The following CSMD2 variants were observed in gnomAD, a reference collection of about 807,000 sequenced individuals.
CSMD2 encodes CUB and Sushi multiple domains 2, also known as CUB and sushi domain-containing protein 2.
Under a neutral mutation model 398.5 loss-of-function variants are expected in CSMD2, and 130 were observed. The observed-to-expected ratio is 0.33, with a 90% CI of 0.28 to 0.38. CSMD2 has a LOEUF of 0.38. CSMD2 is among the 10% of genes least tolerant of loss of function. The pLI, the probability that CSMD2 is intolerant of heterozygous loss-of-function variation, is 1.00. For missense variants in CSMD2, 3,829 were observed against 4,764.9 expected (o/e 0.80, Z 5.78); for synonymous variants, 1,828 against 1,908.5 (o/e 0.96, Z 1.10).
chr1:33,954,560 G>A lies in CSMD2; in HGVS notation c.518-18606C>T, dbSNP rs571380042. 7.9e-5 allele frequency among the ~76,000 whole-genome samples: 12 copies of A among 152,268 alleles called. No individual in the cohort carries two copies. The South Asian group carries it at 2.3e-3, about 29-fold the overall frequency. On this transcript the variant is annotated intron_variant, in intron 3 of 70. Coordinates refer to ENST00000373381, the MANE Select transcript of CSMD2 (RefSeq NM_001281956.2). ...GCCAAGCGGGAGAAGCAACTCCAGT[G>A]TCCATGATGGGTGAATGGCTAAACA...
intron 1 of CSMD2, among the ~76,000 whole-genome samples, chr1:34,131,349 G>T (rs561319213): frequency 6.6e-6 from 1 of 152,172 alleles, no homozygotes; most frequent in South Asian, 2.1e-4. Context: ...TGCAGGAGAG[G>T]GGGGGGTCTT....
chr1:33,567,761 G>A lies in CSMD2; in HGVS notation c.8212C>T (p.His2738Tyr), dbSNP rs779078240. The A allele has an allele frequency of 6.2e-7, 1 of 1,613,978 alleles. No individual in the cohort carries two copies. The highest frequency in any genetic ancestry group is 1.7e-5 in the Admixed American group (1 of 60,016). The change falls in exon 53 of 71, where the codon CAC becomes TAC. Residue 2738 changes from histidine to tyrosine, a missense_variant. This residue lies in a region of CSMD2 where 917 missense variants were observed against 1,199.5 expected (regional missense o/e 0.76). Coordinates refer to ENST00000373381, the MANE Select transcript of CSMD2 (RefSeq NM_001281956.2). Reference sequence around the variant, plus strand: ...ACAATGGGCTCAGGAGTCCCACAGTGTCCAGCTTTGGTGAGGGATGGGGAA... The same window carrying A: ...ACAATGGGCTCAGGAGTCCCACAGTATCCAGCTTTGGTGAGGGATGGGGAA... ...LSSPSLTKAG[H>Y]CGTPEPIVNG...
At chr1:33,930,275 C>T (rs1644268793) in intron 4 of CSMD2, among the ~76,000 whole-genome samples, 1 of 152,190 alleles carries the variant, frequency 6.6e-6, no homozygotes, top group Non-Finnish European at 1.5e-5. Context: ...ACCTTTAAAA[C>T]TCAGAGGGGT....
intron 2 of CSMD2, among the ~76,000 whole-genome samples, chr1:34,079,103 G>T (rs1397781785): frequency 6.6e-6 from 1 of 152,066 alleles, no homozygotes; most frequent in Admixed American, 6.5e-5. Flanking sequence ...AAAATCCTCT[G>T]CTTAAAAATT....
In CSMD2 at chr1:33,614,602, A is replaced by C; in HGVS notation, c.6035T>G (p.Val2012Gly). Reference sequence around the variant, plus strand: ...CAGGATCACCCCCTCCATCTCCTCCACTGTTCCCCCACACTGTGCTGTGAC... The same window carrying C: ...CAGGATCACCCCCTCCATCTCCTCCCCTGTTCCCCCACACTGTGCTGTGAC... ...PLCIAQCGGT[V>G]EEMEGVILSP... is the part of the protein sequence containing the mutation. The change falls in exon 40 of 71, where the codon GTG becomes GGG. Residue 2012 changes from valine (V) to glycine (G), a missense_variant. Val to Gly is a moderately radical substitution (Grantham distance 109). Coordinates refer to ENST00000373381, the MANE Select transcript of CSMD2 (RefSeq NM_001281956.2). 6.2e-7 allele frequency: 1 copy of C among 1,607,636 alleles called. No individual in the cohort carries two copies. The highest frequency in any genetic ancestry group is 8.5e-7 in the Non-Finnish European group (1 of 1,174,466).
chr1:33,900,113 G>A (rs1328296978), intron 5 of CSMD2, among the ~76,000 whole-genome samples: 1 of 152,212 alleles, frequency 6.6e-6, no homozygotes, highest in African/African-American at 2.4e-5. Context: ...CCATGAAAGG[G>A]CAGAAGAAGG....
At position 33,667,165 on chromosome 1, in the gene CSMD2, T is replaced by C. The variant is rs1644344714; in HGVS notation, c.4053-4073A>G. Among the ~76,000 whole-genome samples the C allele has an allele frequency of 2.0e-5, 3 of 152,102 alleles. 1 individual carries two copies. The highest frequency in any genetic ancestry group is 6.5e-5 in the Admixed American group (1 of 15,268). On this transcript the variant is annotated intron_variant, in intron 25 of 70. Coordinates refer to ENST00000373381, the MANE Select transcript of CSMD2 (RefSeq NM_001281956.2). ...TATTGTATTCTAGTTAGAGACTGAC[T>C]CTAGAGGCCATGTGAAATCCTGAGG...
At chr1:33,819,136 T>C (rs1046487518) in intron 9 of CSMD2, among the ~76,000 whole-genome samples, 1 of 152,102 alleles carries the variant, frequency 6.6e-6, no homozygotes, top group African/African-American at 2.4e-5. Flanking sequence ...TCTGTTATTT[T>C]AAGATTATTT....
At chr1:34,121,685 C>T (rs1342243834) in intron 1 of CSMD2, among the ~76,000 whole-genome samples, 1 of 152,078 alleles carries the variant, frequency 6.6e-6, no homozygotes, top group African/African-American at 2.4e-5. Context: ...TCACAGTGTC[C>T]CAATTAAATT....
intron 2 of CSMD2, among the ~76,000 whole-genome samples, chr1:34,077,408 G>C (rs1370799865): frequency 8.1e-6 from 1 of 122,952 alleles, no homozygotes; most frequent in East Asian, 2.6e-4. Flanking sequence ...ACTGAGCCAA[G>C]ATTGTGCCAC....
intron 5 of CSMD2, among the ~76,000 whole-genome samples, chr1:33,901,696 T>A (rs142835552): frequency 6.6e-6 from 1 of 152,222 alleles, no homozygotes; most frequent in East Asian, 1.9e-4. Context: ...TAGTTCAGCA[T>A]TGTAATCACA....
chr1:34,043,071 C>T (rs987354086), intron 2 of CSMD2, among the ~76,000 whole-genome samples: 1 of 151,844 alleles, frequency 6.6e-6, no homozygotes, highest in South Asian at 2.1e-4. Flanking sequence ...TTACAGGTGC[C>T]CGCCACCACG....
chr1:33,677,962 G>A (rs1325550241), intron 25 of CSMD2, among the ~76,000 whole-genome samples: 1 of 102,864 alleles, frequency 9.7e-6, no homozygotes, highest in South Asian at 4.5e-4. Flanking sequence ...CTATTGTGGG[G>A]TGGGGGGAGG....
chr1:34,066,976 G>A (rs1310281803), intron 2 of CSMD2, among the ~76,000 whole-genome samples: 2 of 152,114 alleles, frequency 1.3e-5, no homozygotes, highest in East Asian at 3.9e-4. Context: ...CGATGGTATT[G>A]GCAAGCCTGT....
chr1:33,758,661 T>TC (rs1351456965), intron 13 of CSMD2, among the ~76,000 whole-genome samples: 1 of 152,222 alleles, frequency 6.6e-6, no homozygotes, highest in African/African-American at 2.4e-5. Context: ...TTGTTCACAA[T>TC]CATTTGTTCT....
At chr1:34,061,730 A>T (rs773594511) in intron 2 of CSMD2, among the ~76,000 whole-genome samples, 2 of 152,196 alleles carry the variant, frequency 1.3e-5, no homozygotes, top group Non-Finnish European at 2.9e-5. Flanking sequence ...TATTATCAAT[A>T]TTATTACTCA....
chr1:33,990,936 A>G (rs1646531898), intron 3 of CSMD2, among the ~76,000 whole-genome samples: 1 of 152,070 alleles, frequency 6.6e-6, no homozygotes, highest in Non-Finnish European at 1.5e-5. Flanking sequence ...TTATAATAGA[A>G]TATCGTATGG....
chr1:33,951,313 A>G (rs1236951209), intron 3 of CSMD2, among the ~76,000 whole-genome samples: 2 of 152,210 alleles, frequency 1.3e-5, no homozygotes, highest in Non-Finnish European at 2.9e-5. Context: ...TCATTAACTC[A>G]TTCAACTGGT....
At chr1:34,076,745 T>C (rs750629640) in intron 2 of CSMD2, among the ~76,000 whole-genome samples, 4 of 151,384 alleles carry the variant, frequency 2.6e-5, no homozygotes, top group Non-Finnish European at 4.4e-5. Flanking sequence ...AACTAACCTA[T>C]AAGGTAGATC....
Sources: allele counts gnomAD v4.1 joint callset (sites outside exome capture counted in the v4.1 genomes callset), GRCh38; gene constraint gnomAD v4.1.1; regional missense constraint gnomAD v4.1.1; transcripts MANE v1.5; gene names NCBI Gene and HGNC (gene_info 2026-07-23, HGNC 2026-07-21).